Variants in CHAF1A observed in about 807,000 individuals in gnomAD.
The protein encoded by CHAF1A is chromatin assembly factor 1 subunit A.
CHAF1A carries 5 observed loss-of-function variants against 93.2 expected under a neutral mutation model. The ratio of observed to expected loss-of-function variants is 0.05; its 90% CI spans 0.03 to 0.11. CHAF1A has a LOEUF of 0.11. Ranked by LOEUF, CHAF1A falls within the 10% of genes least tolerant of loss-of-function variation. The probability of loss-of-function intolerance (pLI) is 1.00; values close to 1 mark genes in which losing one functional copy is unlikely to be tolerated. For synonymous variants in CHAF1A, 504 were observed against 510.3 expected, an observed-to-expected ratio of 0.99 and a Z score of 0.17; for missense variants, 1,102 against 1,259.9, an observed-to-expected ratio of 0.87 and a Z score of 1.90.
intron 7 of CHAF1A, among the ~76,000 whole-genome samples, chr19:4,425,662 T>C (rs1272578671): frequency 1.3e-5 from 2 of 152,226 alleles, no homozygotes; most frequent in Non-Finnish European, 2.9e-5. Flanking sequence ...TCAACCTCTT[T>C]GCCCCTCAGT....
intron 2 of CHAF1A, among the ~76,000 whole-genome samples, chr19:4,407,420 G>C (rs930397086): frequency 4.0e-5 from 6 of 151,112 alleles, no homozygotes; most frequent in Admixed American, 4.0e-4. Context: ...CAGTTTGATT[G>C]ATGAGAAAAG....
Position 4,402,662 on chromosome 19 carries a change from G to GGCGGCA in CHAF1A, c.-98_-93dup. The stretch of plus-strand genomic sequence containing the variant: ...CGCCAAATACGAGCGCGGCGGCCGC[G>GGCGGCA]GCGGCAGCAGCGGCGCGGGCGGGAG... On this transcript the variant is annotated 5_prime_UTR_variant, in exon 1 of 15. Transcript: ENST00000301280. 1.5e-6 allele frequency: 1 copy of GGCGGCA among 684,374 alleles called. No homozygotes were observed. The highest frequency in any genetic ancestry group is 2.0e-6 in the Non-Finnish European group (1 of 504,316). 42.4% of individuals were successfully genotyped at this position (684,374 alleles called of 1,614,324 possible). A position where few individuals can be genotyped will look rare whatever the true frequency, so the allele number is the denominator to read the frequency against.
rs1210792128 is a variant in CHAF1A at position 4,409,257 on chromosome 19, A to G, written c.458A>G (p.Asp153Gly). 1.2e-6 allele frequency: 2 copies of G among 1,614,056 alleles called. No individual in the cohort carries two copies. The highest frequency in any genetic ancestry group is 1.7e-6 in the Non-Finnish European group (2 of 1,180,040). ...GAGGCAATAAATGGCCAGCGAGAAGACACTGGGGATCAGCAGGGGTTGTTG... is the reference window on the plus strand; with the variant it reads ...GAGGCAATAAATGGCCAGCGAGAAGGCACTGGGGATCAGCAGGGGTTGTTG... ...SREAINGQRE[D>G]TGDQQGLLKA... Residue 153 changes from aspartate to glycine, a missense_variant, in exon 3 of 15, where the codon GAC (aspartate) becomes GGC (glycine). Asp to Gly is a moderately conservative substitution (Grantham distance 94, BLOSUM62 -1). Transcript: ENST00000301280.
In CHAF1A at chr19:4,422,163, T is replaced by C. The variant is rs1398189429; in HGVS notation, c.1018-403T>C. Among the ~76,000 whole-genome samples the C allele has an allele frequency of 6.6e-6, 1 of 152,044 alleles. No individual in the cohort carries two copies. The highest frequency in any genetic ancestry group is 1.5e-5 in the Non-Finnish European group (1 of 68,002). On this transcript the variant is annotated intron_variant, in intron 4 of 14. Transcript: ENST00000301280. This position sits in a 1 kb window ranked among gnomAD's most constrained non-coding sequence, Gnocchi z 4.6. ...TAGCTGGGATTACAGGCGCCCACCA[T>C]GCCTGGCTAGTTTTTTTTAAAAATA...
At chr19:4,409,972 T>C (rs1241167682) in intron 3 of CHAF1A, among the ~76,000 whole-genome samples, 2 of 152,242 alleles carry the variant, frequency 1.3e-5, no homozygotes, top group Non-Finnish European at 2.9e-5. Context: ...TCATCAACAG[T>C]GTACCTGGTG....
At chr19:4,430,180 A>T (rs139501432) in intron 10 of CHAF1A, 11 of 320,706 alleles carry the variant, frequency 3.4e-5, no homozygotes, top group African/African-American at 2.0e-4. Context: ...ACAGCTTTAC[A>T]TTTTTTTGTT....
chr19:4,442,552 C>T (rs1370145512), intron 14 of CHAF1A, among the ~76,000 whole-genome samples: 1 of 152,190 alleles, frequency 6.6e-6, no homozygotes, highest in Non-Finnish European at 1.5e-5. Flanking sequence ...CGCAGAGCCA[C>T]AAGGGCCTAT....
chr19:4,441,234 T>C (rs1263046972), intron 13 of CHAF1A, among the ~76,000 whole-genome samples: 2 of 151,868 alleles, frequency 1.3e-5, no homozygotes, highest in Non-Finnish European at 2.9e-5. Flanking sequence ...GGAGAATCAC[T>C]TGAACCTGGG....
downstream of CHAF1A, chr19:4,447,759 C>T (rs1599675308): frequency 4.7e-6 from 4 of 860,020 alleles, no homozygotes; most frequent in East Asian, 2.6e-5. Flanking sequence ...CCCAGTGACG[C>T]GAGGGCAGCA....
chr19:4,424,880 C>G (rs987434902), intron 7 of CHAF1A, among the ~76,000 whole-genome samples: 1 of 152,218 alleles, frequency 6.6e-6, no homozygotes, highest in Admixed American at 6.5e-5. Flanking sequence ...GGTGATCCGC[C>G]CGCCTCAGCC....
chr19:4,445,900 T>G, downstream of CHAF1A: 1 of 1,310,282 alleles, frequency 7.6e-7, no homozygotes, highest in South Asian at 1.5e-5. Flanking sequence ...CTGCTGCCAG[T>G]AAGTGGGAAA....
intron 4 of CHAF1A, among the ~76,000 whole-genome samples, chr19:4,420,893 T>C (rs77400969): frequency 0.019 from 2,874 of 152,164 alleles, 31 homozygotes; most frequent in Middle Eastern, 0.024. Context: ...GGCAACATAG[T>C]GAGACTCCAT....
rs1373238735 is a variant in CHAF1A at position 4,433,047 on chromosome 19, C to T, written c.2204-23C>T. The T allele has an allele frequency of 6.0e-6, 9 of 1,512,372 alleles. No homozygotes were observed. The highest frequency in any genetic ancestry group is 8.0e-6 in the Non-Finnish European group (9 of 1,120,864). 93.7% of individuals were successfully genotyped at this position (1,512,372 alleles called of 1,614,324 possible). On this transcript the variant is annotated intron_variant, in intron 12 of 14. Transcript: ENST00000301280. This position sits in a 1 kb window ranked among gnomAD's most constrained non-coding sequence, Gnocchi z 5.6. The stretch of plus-strand genomic sequence containing the variant: ...ATGGGTGGCTCCCCAAGCCTCATGC[C>T]CACCCATGTTCCCTCCTGCCAGTCC...
rs763121667 is a variant in CHAF1A at position 4,423,338 on chromosome 19, T to C, written c.1251T>C (p.Ala417=). The C allele has an allele frequency of 6.2e-7, 1 of 1,614,060 alleles. No homozygotes were observed. Among genetic ancestry groups the C allele is most frequent in the South Asian group, 1.1e-5 (1 of 91,076 alleles). Residue 417 remains alanine, a synonymous_variant, in exon 6 of 15, where the codon GCT becomes GCC. Coordinates refer to ENST00000301280, the MANE Select transcript of CHAF1A (RefSeq NM_005483.3). ...RRKERQEALE[A]KLEEKRKKEE... is the part of the protein sequence containing the mutation. ...AATGTCATTTGCTGTCTCACAGGGC[T>C]AAACTTGAGGAAAAAAGGAAAAAGG...
chr19:4,406,915 ACT>A (rs1423960361), intron 2 of CHAF1A, among the ~76,000 whole-genome samples: 2 of 150,888 alleles, frequency 1.3e-5, no homozygotes. Flanking sequence ...ACAGAGGAAG[ACT>A]CTGTCTCTTG....
chr19:4,404,190 T>C (rs927345257), intron 1 of CHAF1A, among the ~76,000 whole-genome samples: 14 of 152,216 alleles, frequency 9.2e-5, no homozygotes, highest in African/African-American at 3.1e-4. Flanking sequence ...GAAAGTATAT[T>C]TTAGTGCCAA....
chr19:4,420,746 G>A (rs1433953276), intron 4 of CHAF1A, among the ~76,000 whole-genome samples: 1 of 152,172 alleles, frequency 6.6e-6, no homozygotes, highest in Non-Finnish European at 1.5e-5. Context: ...TTTGAGACAA[G>A]CCTGGGCAAC....
At chr19:4,416,560 G>A (rs1973900206) in intron 3 of CHAF1A, among the ~76,000 whole-genome samples, 1 of 152,174 alleles carries the variant, frequency 6.6e-6, no homozygotes, top group East Asian at 1.9e-4. Context: ...ACCCCAGCAA[G>A]TTTCCCTTTT....
In CHAF1A at chr19:4,429,915, G is replaced by A. The variant is rs530670731; in HGVS notation, c.1854+127G>A. 127 of 811,334 alleles carry A rather than the reference G, an allele frequency of 1.6e-4. 1 individual carries two copies. The African/African-American group carries it at 1.9e-3, about 12-fold the overall frequency. The allele number at this position is 811,334 out of a possible 1,614,324, so 50.3% of individuals were successfully genotyped here. On this transcript the variant is annotated intron_variant, in intron 10 of 14. Coordinates refer to ENST00000301280, the MANE Select transcript of CHAF1A (RefSeq NM_005483.3). ...TGACAGCTGGTGTTTGACCTGCTGT[G>A]TGGTCTGAAACCTGAACGCACCTCA... is the stretch of plus-strand genomic sequence containing the variant.
Sources: gnomAD v4.1 joint callset for allele counts (sites outside exome capture counted in the v4.1 genomes callset) on GRCh38, gnomAD v4.1.1 for gene constraint, Gnocchi (gnomAD v3.1) non-coding constraint, MANE v1.5 for transcripts, NCBI Gene and HGNC (gene_info 2026-07-23, HGNC 2026-07-21) for gene names.